Variants in RYR1 observed in about 807,000 individuals in gnomAD.
The protein encoded by RYR1 is central core disease of muscle.
Under a neutral mutation model 583.5 loss-of-function variants are expected in RYR1, and 342 were observed. The observed-to-expected ratio is 0.59, with a 90% CI of 0.54 to 0.64. The LOEUF (loss-of-function observed/expected upper bound fraction) is 0.64, where lower values mean the gene tolerates loss of function less well. Ranked by LOEUF, RYR1 falls within the 30% of genes least tolerant of loss-of-function variation. RYR1 has a pLI of 0.00. For synonymous variants in RYR1, 2,791 were observed against 2,822.5 expected (o/e 0.99, Z 0.35); for missense variants, 6,032 against 6,917.2 (o/e 0.87, Z 4.54).
chr19:38,524,788 C>T (rs529071482), intron 70 of RYR1, among the ~76,000 whole-genome samples: 34 of 152,170 alleles, frequency 2.2e-4, no homozygotes, highest in Non-Finnish European at 2.9e-5. Flanking sequence ...GGACCTGCAT[C>T]TTTGTTTCAT....
Position 38,478,748 on chromosome 19 carries a change from G to C in RYR1, c.4620+148G>C, listed in dbSNP as rs528851865. ...CAAGAGGTCGCTGGGAGACCACCTT[G>C]TTGAAACTTCCATGAAACTAAGGCC... is the stretch of plus-strand genomic sequence containing the variant. On this transcript the variant is annotated intron_variant, in intron 31 of 105. Coordinates refer to ENST00000359596, the MANE Select transcript of RYR1 (RefSeq NM_000540.3). 67 of 845,940 alleles carry C rather than the reference G, an allele frequency of 7.9e-5. 3 individuals carry two copies. In the South Asian group the frequency reaches 9.7e-4, roughly 12 times the overall value. The allele number at this position is 845,940 out of a possible 1,614,324, so 52.4% of individuals were successfully genotyped here.
intron 31 of RYR1, among the ~76,000 whole-genome samples, chr19:38,482,782 C>T (rs1186123787): frequency 3.3e-5 from 5 of 152,004 alleles, no homozygotes; most frequent in African/African-American, 4.8e-5. Context: ...GAGAGAAATG[C>T]GAAGGGCATT....
rs773050889 is a variant in RYR1 at position 38,500,961 on chromosome 19, G to A, written c.7585G>A (p.Asp2529Asn). ...LHVLDVGFLP[D>N]MRAAASLDTA... is the part of the protein sequence containing the mutation. ...CGTGCTGGACGTGGGGTTCCTGCCCGACATGAGGGCAGCCGCCTCGCTGGA... is the reference window on the plus strand; with the variant it reads ...CGTGCTGGACGTGGGGTTCCTGCCCAACATGAGGGCAGCCGCCTCGCTGGA... Residue 2529 changes from aspartate to asparagine, a missense_variant, in exon 47 of 106, where the codon GAC becomes AAC. This residue lies in a region of RYR1 where 2,627 missense variants were observed against 2,961.3 expected (regional missense o/e 0.89). Coordinates refer to ENST00000359596, the MANE Select transcript of RYR1 (RefSeq NM_000540.3). This position sits in a 1 kb window ranked among gnomAD's most constrained non-coding sequence, Gnocchi z 5.9. 17 of 1,613,052 alleles carry A rather than the reference G, an allele frequency of 1.1e-5. No homozygotes were observed. The highest frequency in any genetic ancestry group is 1.4e-5 in the Non-Finnish European group (16 of 1,179,880).
At chr19:38,524,991 C>G (rs1600920137) in intron 70 of RYR1, among the ~76,000 whole-genome samples, 2 of 152,198 alleles carry the variant, frequency 1.3e-5, no homozygotes, top group East Asian at 3.9e-4. Flanking sequence ...GCCTGTAGTC[C>G]CAGCTACTTG....
chr19:38,515,076 C>G lies in RYR1; in HGVS notation c.9523C>G (p.Leu3175Val), dbSNP rs528199298. The change falls in exon 64 of 106, where the codon CTG (leucine) becomes GTG (valine). Residue 3175 changes from leucine to valine, a missense_variant. By Grantham distance (32) the Leu-to-Val change is conservative. Transcript: ENST00000359596. The part of the protein sequence containing the change: ...CYRTLCSIYS[L>V]GTTKNTYVEK... Reference sequence around the variant, plus strand: ...CCGAACGCTGTGCAGTATCTACTCCCTGGGAACCACCAAGAACACTTATGT... The same window carrying G: ...CCGAACGCTGTGCAGTATCTACTCCGTGGGAACCACCAAGAACACTTATGT... 5 of 1,612,414 alleles carry G rather than the reference C, an allele frequency of 3.1e-6. No individual in the cohort carries two copies. The Admixed American group carries it at 6.7e-5, about 22-fold the overall frequency.
At chr19:38,567,382 A>C (rs1275815720) in intron 92 of RYR1, among the ~76,000 whole-genome samples, 2 of 152,064 alleles carry the variant, frequency 1.3e-5, no homozygotes, top group Non-Finnish European at 2.9e-5. Flanking sequence ...TCTAACTGCC[A>C]GGCCTTCGCA....
chr19:38,475,959 T>C (rs1334846518), intron 29 of RYR1, among the ~76,000 whole-genome samples: 1 of 152,168 alleles, frequency 6.6e-6, no homozygotes, highest in East Asian at 1.9e-4. Flanking sequence ...GGACCACGGA[T>C]GCGGGGAAGG....
At position 38,496,970 on chromosome 19, in the gene RYR1, C is replaced by T; in HGVS notation, c.6891+16C>T. 1 of 1,606,638 alleles carries T rather than the reference C, an allele frequency of 6.2e-7. No individual in the cohort carries two copies. Among genetic ancestry groups the T allele is most frequent in the South Asian group, 1.1e-5 (1 of 90,894 alleles). On this transcript the variant is annotated intron_variant, in intron 42 of 105. Coordinates refer to ENST00000359596, the MANE Select transcript of RYR1 (RefSeq NM_000540.3). This position sits in a 1 kb window ranked among gnomAD's most constrained non-coding sequence, Gnocchi z 4.8. Reference sequence around the variant, plus strand: ...CCTGGAAAAGGTGTGGAGGGCAGGGCTGGGCCCCAGGCCTAAGGGAGGAAA... The same window carrying T: ...CCTGGAAAAGGTGTGGAGGGCAGGGTTGGGCCCCAGGCCTAAGGGAGGAAA...
intron 101 of RYR1, among the ~76,000 whole-genome samples, 170 bp downstream of exon 101, chr19:38,580,674 A>G (rs993619278): frequency 1.3e-5 from 2 of 152,138 alleles, no homozygotes; most frequent in African/African-American, 4.8e-5. Context: ...AGCCTGGGCA[A>G]CAAAGCAAAA....
Position 38,502,874 on chromosome 19 carries a change from C to T in RYR1, c.7836-6C>T, listed in dbSNP as rs780269941. Reference sequence around the variant, plus strand: ...GGGATTCTACATCTTGTGCATTGTCCCGCAGGTACATCCGCCCGTCGATGC... The same window carrying T: ...GGGATTCTACATCTTGTGCATTGTCTCGCAGGTACATCCGCCCGTCGATGC... On this transcript the variant is annotated splice_region_variant and splice_polypyrimidine_tract_variant and intron_variant, in intron 48 of 105. Coordinates refer to ENST00000359596, the MANE Select transcript of RYR1 (RefSeq NM_000540.3). 5.7e-5 allele frequency: 92 copies of T among 1,609,856 alleles called. 1 individual carries two copies. The Middle Eastern group carries it at 8.3e-4, about 14-fold the overall frequency.
rs1194348509 is a variant in RYR1 at position 38,485,782 on chromosome 19, C to T, written c.5127C>T (p.Gly1709=). 1 of 1,613,336 alleles carries T rather than the reference C, an allele frequency of 6.2e-7. No individual in the cohort carries two copies. Among genetic ancestry groups the T allele is most frequent in the Non-Finnish European group, 8.5e-7 (1 of 1,179,994 alleles). The change falls in exon 34 of 106, where the codon GGC becomes GGT. Residue 1709 remains glycine (G), a synonymous_variant. Transcript: ENST00000359596. ...ACCTGCCAGGCCCACTGCGCGCAGG[C>T]TACTATGACCTCCTCATCAGCATCC... The part of the protein sequence containing the change: ...DAHLPGPLRA[G]YYDLLISIHL...
rs767214711 is a variant in RYR1 at position 38,543,738 on chromosome 19, C to A, written c.11908-33C>A. 2 of 1,611,034 alleles carry A rather than the reference C, an allele frequency of 1.2e-6. No homozygotes were observed. Among genetic ancestry groups the A allele is most frequent in the Non-Finnish European group, 1.7e-6 (2 of 1,179,690 alleles). The stretch of plus-strand genomic sequence containing the variant: ...GATCCCTGATCCCTTCTCGGGGATT[C>A]CCTTCCCCCCCACACGGCACTCTGC... On this transcript the variant is annotated intron_variant, in intron 86 of 105. Coordinates refer to ENST00000359596, the MANE Select transcript of RYR1 (RefSeq NM_000540.3). This position sits in a 1 kb window ranked among gnomAD's most constrained non-coding sequence, Gnocchi z 4.4.
chr19:38,535,401 G>C lies in RYR1; in HGVS notation c.11516+9G>C, dbSNP rs370432370. 6.5e-5 allele frequency: 105 copies of C among 1,607,838 alleles called. No homozygotes were observed. The highest frequency in any genetic ancestry group is 8.8e-5 in the Non-Finnish European group (103 of 1,174,400). On this transcript the variant is annotated intron_variant, in intron 81 of 105. Coordinates refer to ENST00000359596, the MANE Select transcript of RYR1 (RefSeq NM_000540.3). ...CTGATGCAAACATGCAGGTAGGTTC[G>C]AGTGGACCTCTTCTTGTTAAGCTGT...
At chr19:38,584,809 T>C in intron 101 of RYR1, 134 bp from the exon 102 acceptor site, 1 of 996,034 alleles carries the variant, frequency 1.0e-6, no homozygotes, top group Non-Finnish European at 1.5e-6. Context: ...ATGCCGTATC[T>C]GTGAGCCCTT....
chr19:38,506,631 G>A, intron 56 of RYR1, 85 bp downstream of exon 56: 2 of 1,546,412 alleles, frequency 1.3e-6, no homozygotes, highest in Non-Finnish European at 1.8e-6. Context: ...CTGAAACTCG[G>A]TTTCTCCATC....
At chr19:38,536,693 C>T in intron 82 of RYR1, 57 bp from the exon 83 acceptor site, 2 of 1,606,150 alleles carry the variant, frequency 1.2e-6, no homozygotes, top group Non-Finnish European at 1.7e-6. Flanking sequence ...GGTCTGTCTC[C>T]CTCTCTTTTT....
At position 38,493,375 on chromosome 19, in the gene RYR1, C is replaced by T. The variant is rs528229961; in HGVS notation, c.6274+739C>T. On this transcript the variant is annotated intron_variant, in intron 38 of 105. Coordinates refer to ENST00000359596, the MANE Select transcript of RYR1 (RefSeq NM_000540.3). ...AAGGACAGATTTCCTGACGTTGGTA[C>T]AGGTTTTATCCCACAACATTCAGGA... is the stretch of plus-strand genomic sequence containing the variant. Among the ~76,000 whole-genome samples, 9 of 152,274 alleles carry T rather than the reference C, an allele frequency of 5.9e-5. No homozygotes were observed. The South Asian group carries it at 1.9e-3, about 32-fold the overall frequency.
intron 1 of RYR1, among the ~76,000 whole-genome samples, chr19:38,436,068 C>T (rs913586583): frequency 2.0e-5 from 3 of 151,504 alleles, no homozygotes; most frequent in Non-Finnish European, 2.9e-5. Flanking sequence ...GCCACCAAGC[C>T]GAGCTAATTT....
chr19:38,442,932 G>T (rs1180317554), intron 3 of RYR1, among the ~76,000 whole-genome samples: 2 of 152,180 alleles, frequency 1.3e-5, no homozygotes, highest in South Asian at 4.1e-4. Context: ...TGGTCCAGGA[G>T]TGGGTCCACC....
Sources: gnomAD v4.1 joint callset for allele counts (sites outside exome capture counted in the v4.1 genomes callset) on GRCh38, gnomAD v4.1.1 for gene constraint, gnomAD v4.1.1 regional missense constraint, Gnocchi (gnomAD v3.1) non-coding constraint, MANE v1.5 for transcripts, NCBI Gene and HGNC (gene_info 2026-07-23, HGNC 2026-07-21) for gene names.